The following PPP3CC variants were observed in gnomAD, a reference collection of about 807,000 sequenced individuals.
The protein encoded by PPP3CC is serine/threonine-protein phosphatase 2B catalytic subunit gamma isoform.
A neutral mutation model predicts 60.3 loss-of-function variants in PPP3CC; 35 were observed. The ratio of observed to expected loss-of-function variants is 0.58; its 90% CI spans 0.44 to 0.77. PPP3CC has a LOEUF of 0.77. Ranked by LOEUF, PPP3CC falls within the 30% of genes least tolerant of loss-of-function variation. The probability of loss-of-function intolerance (pLI) is 0.00; values close to 1 mark genes in which losing one functional copy is unlikely to be tolerated. For synonymous variants in PPP3CC, 206 were observed against 224.3 expected (o/e 0.92, Z 0.73); for missense variants, 570 against 628.9 (o/e 0.91, Z 1.00).
At chr8:22,470,653 T>C (rs1837694542) in intron 1 of PPP3CC, among the ~76,000 whole-genome samples, 1 of 152,156 alleles carries the variant, frequency 6.6e-6, no homozygotes, top group African/African-American at 2.4e-5. Context: ...CTTAAGCAAG[T>C]AGAAAGGTCC....
intron 8 of PPP3CC, 108 bp from the exon 9 acceptor site, chr8:22,527,284 A>G: frequency 2.3e-6 from 3 of 1,283,126 alleles, no homozygotes; most frequent in Non-Finnish European, 3.2e-6. Flanking sequence ...TGACTTTACA[A>G]ATGGAAAGTT....
At chr8:22,510,041 G>A (rs919570154) in intron 4 of PPP3CC, among the ~76,000 whole-genome samples, 3 of 151,660 alleles carry the variant, frequency 2.0e-5, no homozygotes, top group Non-Finnish European at 2.9e-5. Context: ...AAAATTAGCC[G>A]GGCGTGGTGG....
chr8:22,511,613 C>T (rs1211068052), intron 5 of PPP3CC, among the ~76,000 whole-genome samples: 2 of 152,234 alleles, frequency 1.3e-5, no homozygotes, highest in Non-Finnish European at 2.9e-5. Flanking sequence ...ATATCTTTAG[C>T]TGAAATCTTT....
intron 9 of PPP3CC, 58 bp from the exon 10 acceptor site, chr8:22,528,448 A>G: frequency 8.4e-7 from 1 of 1,189,602 alleles, no homozygotes; most frequent in Admixed American, 2.4e-5. Context: ...TATCCACATT[A>G]TTTTAGAGAA....
intron 1 of PPP3CC, among the ~76,000 whole-genome samples, chr8:22,460,005 A>G (rs987958790): frequency 6.6e-6 from 1 of 152,206 alleles, no homozygotes; most frequent in African/African-American, 2.4e-5. Context: ...TTACTACTAA[A>G]TTAAGAAAAC....
chr8:22,489,135 A>G (rs1838305978), intron 3 of PPP3CC, among the ~76,000 whole-genome samples: 1 of 152,130 alleles, frequency 6.6e-6, no homozygotes, highest in Admixed American at 6.6e-5. Flanking sequence ...GGAGCCCAAA[A>G]GCAGGTGCAG....
chr8:22,469,336 G>A (rs1157497122), intron 1 of PPP3CC, among the ~76,000 whole-genome samples: 1 of 152,022 alleles, frequency 6.6e-6, no homozygotes, highest in Non-Finnish European at 1.5e-5. Flanking sequence ...GACTGGGAAG[G>A]GTGAGTGGGG....
chr8:22,517,422 T>G (rs758627828), intron 6 of PPP3CC, among the ~76,000 whole-genome samples: 6 of 146,898 alleles, frequency 4.1e-5, no homozygotes, highest in Non-Finnish European at 9.0e-5. Flanking sequence ...TTGGAAGGTT[T>G]AAGAAAGATT....
intron 8 of PPP3CC, 35 bp from the exon 9 acceptor site, chr8:22,527,357 T>G (rs771465581): frequency 6.2e-7 from 1 of 1,609,850 alleles, no homozygotes; most frequent in African/African-American, 1.3e-5. Flanking sequence ...GCCATGTTCC[T>G]CTGTGCCAGA....
At chr8:22,446,463 C>T (rs1836824614) in intron 1 of PPP3CC, among the ~76,000 whole-genome samples, 1 of 152,084 alleles carries the variant, frequency 6.6e-6, no homozygotes, top group African/African-American at 2.4e-5. Flanking sequence ...AATTAAAGAC[C>T]TTTTCCTAAG....
intron 4 of PPP3CC, among the ~76,000 whole-genome samples, chr8:22,501,409 T>C (rs1838757891): frequency 6.6e-6 from 1 of 152,340 alleles, no homozygotes; most frequent in East Asian, 1.9e-4. Context: ...AGATTCTCTG[T>C]ATAGGATCTC....
chr8:22,465,875 A>G (rs1837505494), intron 1 of PPP3CC, among the ~76,000 whole-genome samples: 2 of 152,048 alleles, frequency 1.3e-5, no homozygotes, highest in African/African-American at 2.4e-5. Context: ...TCTAGGGTAC[A>G]TGTGCTCAAC....
chr8:22,540,127 GT>G (rs1402871119), intron 13 of PPP3CC, among the ~76,000 whole-genome samples: 1 of 152,200 alleles, frequency 6.6e-6, no homozygotes, highest in Non-Finnish European at 1.5e-5. Flanking sequence ...ACAGCTCCTG[GT>G]TGTGCAAGAT....
chr8:22,539,127 A>G (rs1839905706), intron 12 of PPP3CC, among the ~76,000 whole-genome samples: 1 of 152,206 alleles, frequency 6.6e-6, no homozygotes, highest in Non-Finnish European at 1.5e-5. Flanking sequence ...TTACAAACTA[A>G]GGATTGTTGT....
chr8:22,505,003 A>G (rs1168297007), intron 4 of PPP3CC, among the ~76,000 whole-genome samples: 1 of 148,164 alleles, frequency 6.7e-6, no homozygotes, highest in African/African-American at 2.5e-5. Flanking sequence ...AAGTAAATGA[A>G]TTTCTTATTT....
chr8:22,446,828 AAAAAG>A, intron 1 of PPP3CC, among the ~76,000 whole-genome samples: 2 of 151,290 alleles, frequency 1.3e-5, no homozygotes, highest in African/African-American at 2.4e-5. Context: ...AAAAAAAAAA[AAAAAG>A]CTGATTTTTA....
chr8:22,519,958 A>G (rs972368757), intron 6 of PPP3CC, among the ~76,000 whole-genome samples: 1 of 152,098 alleles, frequency 6.6e-6, no homozygotes, highest in East Asian at 1.9e-4. Flanking sequence ...GGCCAGCTGC[A>G]TCTTTTAGTT....
rs1006256215 is a variant in PPP3CC, at chr8:22,538,316, G to A, written c.1322-1153G>A. On this transcript the variant is annotated intron_variant, in intron 12 of 13. Coordinates refer to ENST00000240139, the MANE Select transcript of PPP3CC (RefSeq NM_005605.5). Reference sequence around the variant, plus strand: ...CTAACAGTTACATCAGTGATGTGCTGTGAGAAGGCACTGTAGCTTTCTTGT... The same window carrying A: ...CTAACAGTTACATCAGTGATGTGCTATGAGAAGGCACTGTAGCTTTCTTGT... Among the ~76,000 whole-genome samples the A allele has an allele frequency of 5.9e-5, 9 of 152,212 alleles. No individual in the cohort carries two copies. The South Asian group carries it at 6.2e-4, about 11-fold the overall frequency.
At chr8:22,483,626 A>G (rs925978433) in intron 3 of PPP3CC, among the ~76,000 whole-genome samples, 10 of 152,168 alleles carry the variant, frequency 6.6e-5, no homozygotes, top group Non-Finnish European at 1.5e-4. Flanking sequence ...GCTTGATCAC[A>G]TACAAAATTC....
Sources: allele counts gnomAD v4.1 joint callset (sites outside exome capture counted in the v4.1 genomes callset), GRCh38; gene constraint gnomAD v4.1.1; transcripts MANE v1.5; gene names NCBI Gene and HGNC (gene_info 2026-07-23, HGNC 2026-07-21).